Variants in CFAP299 observed in about 807,000 individuals in gnomAD.
The protein encoded by CFAP299 is cilia and flagella associated protein 299.
CFAP299 carries 21 observed loss-of-function variants against 27.0 expected under a neutral mutation model. That is an observed-to-expected ratio of 0.78 (90% CI 0.55 to 1.12). The LOEUF is 1.12. Among genes scored for constraint, CFAP299 ranks in the 50% most tolerant of loss-of-function variants. CFAP299 has a pLI of 0.00. For synonymous variants in CFAP299, 104 were observed against 98.1 expected (o/e 1.06, Z -0.36); for missense variants, 310 against 276.6 (o/e 1.12, Z -0.86).
At chr4:80,616,923 T>G (rs1262373220) in intron 3 of CFAP299, among the ~76,000 whole-genome samples, 1 of 152,144 alleles carries the variant, frequency 6.6e-6, no homozygotes, top group East Asian at 1.9e-4. Flanking sequence ...TTAGCAAAGA[T>G]GCTGAGATGA....
chr4:80,723,979 G>T (rs1722992157), intron 3 of CFAP299, among the ~76,000 whole-genome samples: 1 of 151,640 alleles, frequency 6.6e-6, no homozygotes, highest in African/African-American at 2.4e-5. Context: ...AAACAATAAG[G>T]GGAATAACAA....
At chr4:80,480,523 T>C (rs1730511620) in intron 2 of CFAP299, among the ~76,000 whole-genome samples, 1 of 152,020 alleles carries the variant, frequency 6.6e-6, no homozygotes, top group African/African-American at 2.4e-5. Flanking sequence ...TTAAATTCTG[T>C]TTTTCTCTAA....
At chr4:80,689,471 A>C (rs577267850) in intron 3 of CFAP299, among the ~76,000 whole-genome samples, 304 of 152,224 alleles carry the variant, frequency 2.0e-3, no homozygotes, top group African/African-American at 6.7e-3. Flanking sequence ...GAAATAAAAT[A>C]CTTTACAGAC....
At chr4:80,917,917 A>G (rs1280977957) in intron 4 of CFAP299, among the ~76,000 whole-genome samples, 2 of 152,172 alleles carry the variant, frequency 1.3e-5, no homozygotes, top group Non-Finnish European at 2.9e-5. Context: ...GTTAGAAATC[A>G]CCTACTCCAA....
chr4:80,516,794 T>G (rs1240152096), intron 2 of CFAP299, among the ~76,000 whole-genome samples: 1 of 152,118 alleles, frequency 6.6e-6, no homozygotes, highest in African/African-American at 2.4e-5. Flanking sequence ...TTAAAGCTTG[T>G]GAGGAGCCCT....
chr4:80,746,579 T>G (rs1332339653), intron 3 of CFAP299, among the ~76,000 whole-genome samples: 1 of 151,962 alleles, frequency 6.6e-6, no homozygotes, highest in Non-Finnish European at 1.5e-5. Context: ...GATTTAAAGG[T>G]TGGTATGAAT....
intron 4 of CFAP299, among the ~76,000 whole-genome samples, chr4:80,939,443 T>C (rs1737082509): frequency 6.6e-6 from 1 of 152,000 alleles, no homozygotes; most frequent in Non-Finnish European, 1.5e-5. Context: ...TTCTGTTTGA[T>C]CAAGTGAGCT....
At chr4:80,358,275 A>G (rs1427413844) in intron 1 of CFAP299, among the ~76,000 whole-genome samples, 2 of 152,188 alleles carry the variant, frequency 1.3e-5, no homozygotes, top group African/African-American at 4.8e-5. Flanking sequence ...TCGATTTCAG[A>G]ATATGTGACA....
chr4:80,724,683 C>T (rs920367996), intron 3 of CFAP299, among the ~76,000 whole-genome samples: 5 of 151,982 alleles, frequency 3.3e-5, no homozygotes, highest in Admixed American at 2.0e-4. Flanking sequence ...CCTGCACCCT[C>T]GGAAAGTCAC....
intron 3 of CFAP299, among the ~76,000 whole-genome samples, chr4:80,685,666 G>T (rs961725561): frequency 6.6e-6 from 1 of 151,366 alleles, no homozygotes; most frequent in Non-Finnish European, 1.5e-5. Context: ...GTATTAAAGG[G>T]AATTTTTTGA....
chr4:80,605,845 G>GT (rs1009219243), intron 3 of CFAP299, among the ~76,000 whole-genome samples: 72 of 149,474 alleles, frequency 4.8e-4, no homozygotes, highest in South Asian at 1.9e-3. Flanking sequence ...TAACACTTAA[G>GT]TTTTTTTTTT....
intron 2 of CFAP299, among the ~76,000 whole-genome samples, chr4:80,389,686 A>C (rs926472979): frequency 3.9e-5 from 6 of 152,228 alleles, no homozygotes; most frequent in Non-Finnish European, 8.8e-5. Context: ...CACATTGGCT[A>C]ACCGAGTTCA....
intron 2 of CFAP299, among the ~76,000 whole-genome samples, chr4:80,579,547 G>A (rs1736062393): frequency 6.6e-6 from 1 of 152,078 alleles, no homozygotes; most frequent in Non-Finnish European, 1.5e-5. Context: ...TCGGCCATTA[G>A]CAAGAGAGTC....
At chr4:80,729,831 C>T (rs1723400155) in intron 3 of CFAP299, among the ~76,000 whole-genome samples, 1 of 152,120 alleles carries the variant, frequency 6.6e-6, no homozygotes, top group East Asian at 1.9e-4. Context: ...TTTCGATCTC[C>T]TGACCTCGTG....
chr4:80,774,198 T>C (rs1560744714), intron 3 of CFAP299, among the ~76,000 whole-genome samples: 1 of 151,978 alleles, frequency 6.6e-6, no homozygotes, highest in South Asian at 2.1e-4. Context: ...TGTGAGGTTG[T>C]TAAATCAGTA....
At chr4:80,844,129 A>G (rs1578175381) in intron 3 of CFAP299, among the ~76,000 whole-genome samples, 1 of 152,136 alleles carries the variant, frequency 6.6e-6, no homozygotes, top group Non-Finnish European at 1.5e-5. Context: ...TATATGTGCC[A>G]CATTTTCTTA....
chr4:80,500,187 T>G (rs1255218145), intron 2 of CFAP299, among the ~76,000 whole-genome samples: 1 of 152,102 alleles, frequency 6.6e-6, no homozygotes, highest in Non-Finnish European at 1.5e-5. Context: ...TATCCTGCTA[T>G]TCTACCTAGT....
At chr4:80,675,909 G>C (rs1719419222) in intron 3 of CFAP299, among the ~76,000 whole-genome samples, 1 of 152,184 alleles carries the variant, frequency 6.6e-6, no homozygotes, top group Non-Finnish European at 1.5e-5. Context: ...CACAGTATGT[G>C]GGTGGGAGTG....
intron 3 of CFAP299, among the ~76,000 whole-genome samples, chr4:80,763,370 T>C (rs570998378): frequency 5.6e-4 from 85 of 151,546 alleles, no homozygotes; most frequent in Middle Eastern, 3.4e-3. Context: ...ACAAAGAAAA[T>C]AAAATACCTA....
Sources: gnomAD v4.1 joint callset for allele counts (sites outside exome capture counted in the v4.1 genomes callset) on GRCh38, gnomAD v4.1.1 for gene constraint, MANE v1.5 for transcripts, NCBI Gene and HGNC (gene_info 2026-07-23, HGNC 2026-07-21) for gene names.